Variants in PLCB1 observed in about 807,000 individuals in gnomAD.
PLCB1 encodes phospholipase C beta 1, also known as 1-phosphatidylinositol 4,5-bisphosphate phosphodiesterase beta-1.
PLCB1 carries 46 observed loss-of-function variants against 161.8 expected under a neutral mutation model. The observed-to-expected ratio is 0.28, with a 90% CI of 0.22 to 0.36. PLCB1 has a LOEUF of 0.36. Ranked by LOEUF, PLCB1 falls within the 10% of genes least tolerant of loss-of-function variation. The pLI, the probability that PLCB1 is intolerant of heterozygous loss-of-function variation, is 1.00. For missense variants in PLCB1, 1,016 were observed against 1,472.5 expected (o/e 0.69, Z 5.07); for synonymous variants, 517 against 503.7 (o/e 1.03, Z -0.35).
intron 2 of PLCB1, among the ~76,000 whole-genome samples, chr20:8,189,603 T>A (rs904495261): frequency 2.6e-5 from 4 of 152,170 alleles, no homozygotes; most frequent in African/African-American, 9.6e-5. Flanking sequence ...GAACTTGTGG[T>A]TGAATGTACT....
intron 31 of PLCB1, among the ~76,000 whole-genome samples, chr20:8,832,006 C>G (rs986832441): frequency 3.7e-5 from 5 of 135,898 alleles, no homozygotes; most frequent in African/African-American, 1.4e-4. Context: ...GTGCTTCTTT[C>G]TTTCTTTCGT....
chr20:8,238,118 A>G (rs1262742612), intron 2 of PLCB1, among the ~76,000 whole-genome samples: 1 of 152,114 alleles, frequency 6.6e-6, no homozygotes, highest in Non-Finnish European at 1.5e-5. Context: ...AGGTGAATAA[A>G]TTGAACGAGT....
At chr20:8,636,568 A>G (rs942644619) in intron 4 of PLCB1, among the ~76,000 whole-genome samples, 6 of 152,212 alleles carry the variant, frequency 3.9e-5, no homozygotes, top group Admixed American at 3.9e-4. Context: ...GATTTTTATT[A>G]AAAAAGGGGC....
intron 2 of PLCB1, among the ~76,000 whole-genome samples, chr20:8,333,339 G>T (rs1461268897): frequency 6.6e-6 from 1 of 152,204 alleles, no homozygotes; most frequent in Non-Finnish European, 1.5e-5. Flanking sequence ...AGTGCCAAAA[G>T]TAAAAAGTGT....
intron 2 of PLCB1, among the ~76,000 whole-genome samples, chr20:8,229,042 C>A (rs1979861359): frequency 6.6e-6 from 1 of 152,046 alleles, no homozygotes; most frequent in African/African-American, 2.4e-5. Flanking sequence ...ATGCACCCTC[C>A]CCGCTACTCT....
chr20:8,554,239 C>T (rs1424675773), intron 3 of PLCB1, among the ~76,000 whole-genome samples: 1 of 152,060 alleles, frequency 6.6e-6, no homozygotes, highest in South Asian at 2.1e-4. Context: ...TATGGCCTAA[C>T]AATTCCATTC....
At chr20:8,344,696 C>A (rs1362458242) in intron 2 of PLCB1, among the ~76,000 whole-genome samples, 1 of 152,190 alleles carries the variant, frequency 6.6e-6, no homozygotes, top group African/African-American at 2.4e-5. Context: ...ACTTGTAGGC[C>A]TAACCAGATC....
chr20:8,246,382 C>T (rs1462326805), intron 2 of PLCB1, among the ~76,000 whole-genome samples: 2 of 151,896 alleles, frequency 1.3e-5, no homozygotes, highest in East Asian at 1.9e-4. Context: ...AGCCATAAAG[C>T]GCTTATCCTC....
intron 7 of PLCB1, chr20:8,652,425 A>G (rs1182808451): frequency 6.6e-6 from 1 of 152,156 alleles, no homozygotes; most frequent in Admixed American, 6.6e-5. Flanking sequence ...GAGCTAGGAA[A>G]TAAATGTTTC....
At chr20:8,524,714 T>A (rs895004896) in intron 3 of PLCB1, among the ~76,000 whole-genome samples, 1 of 152,206 alleles carries the variant, frequency 6.6e-6, no homozygotes, top group African/African-American at 2.4e-5. Context: ...CTGACACTTT[T>A]CATTGACACT....
rs1980888066 is a variant in PLCB1 at position 8,741,667 on chromosome 20, A to AT, written c.2523+94_2523+95insT. On this transcript the variant is annotated intron_variant, in intron 23 of 31. Transcript: ENST00000338037. ...TAAGTAATATCACATACCTTGGGAG[A>AT]AGGAATAGCACATTGGAACAACACT... 15 of 727,806 alleles carry AT rather than the reference A, an allele frequency of 2.1e-5. No homozygotes were observed. In the Admixed American group the frequency reaches 3.1e-4, roughly 15 times the overall value. 45.1% of individuals were successfully genotyped at this position (727,806 alleles called of 1,614,324 possible).
intron 3 of PLCB1, among the ~76,000 whole-genome samples, chr20:8,610,285 G>C (rs1470802095): frequency 6.6e-6 from 1 of 152,136 alleles, no homozygotes; most frequent in African/African-American, 2.4e-5. Context: ...TGTTTTCAAG[G>C]TTAATCCATG....
chr20:8,405,238 C>T (rs1978734199), intron 3 of PLCB1, among the ~76,000 whole-genome samples: 1 of 152,048 alleles, frequency 6.6e-6, no homozygotes, highest in African/African-American at 2.4e-5. Flanking sequence ...TCACATGTTT[C>T]GAGGTCATCT....
chr20:8,215,282 T>C (rs543747575), intron 2 of PLCB1, among the ~76,000 whole-genome samples: 1 of 151,774 alleles, frequency 6.6e-6, no homozygotes, highest in East Asian at 1.9e-4. Context: ...TTTGTTAATC[T>C]CAAAAGGCCG....
chr20:8,722,218 C>T, intron 14 of PLCB1, 136 bp from the exon 15 acceptor site: 1 of 582,274 alleles, frequency 1.7e-6, no homozygotes, highest in Non-Finnish European at 2.9e-6. Context: ...AAATTTAAAT[C>T]CTTGAAAAAA....
intron 7 of PLCB1, among the ~76,000 whole-genome samples, chr20:8,656,471 G>C (rs1989458872): frequency 6.6e-6 from 1 of 152,034 alleles, no homozygotes; most frequent in Non-Finnish European, 1.5e-5. Context: ...CATGAAAAAT[G>C]TCTTTCCTGT....
chr20:8,802,310 C>T (rs996414246), intron 31 of PLCB1: 4 of 575,026 alleles, frequency 7.0e-6, no homozygotes, highest in Non-Finnish European at 1.2e-5. Flanking sequence ...TGCTAAAGTT[C>T]CCAGCCACAC....
intron 3 of PLCB1, among the ~76,000 whole-genome samples, chr20:8,580,516 T>C (rs892261725): frequency 6.6e-6 from 1 of 152,232 alleles, no homozygotes; most frequent in Non-Finnish European, 1.5e-5. Flanking sequence ...CTTCTTAGCG[T>C]TCTGCTAAAT....
At chr20:8,559,375 AAAG>A (rs1986069312) in intron 3 of PLCB1, among the ~76,000 whole-genome samples, 2 of 152,030 alleles carry the variant, frequency 1.3e-5, no homozygotes, top group East Asian at 1.9e-4. Flanking sequence ...ATCAAACACA[AAAG>A]AAGGCAGTAA....
Sources: gnomAD v4.1 joint callset for allele counts (sites outside exome capture counted in the v4.1 genomes callset) on GRCh38, gnomAD v4.1.1 for gene constraint, MANE v1.5 for transcripts, NCBI Gene and HGNC (gene_info 2026-07-23, HGNC 2026-07-21) for gene names.